HHIPL1: variants seen among roughly 807,000 people sequenced by gnomAD.
HHIPL1 encodes the protein HHIP-like protein 1.
HHIPL1 carries 43 observed loss-of-function variants against 61.8 expected under a neutral mutation model. The ratio of observed to expected loss-of-function variants is 0.70; its 90% confidence interval spans 0.55 to 0.90. The LOEUF is 0.90. HHIPL1 is among the 40% of genes least tolerant of loss of function. The probability of loss-of-function intolerance (pLI) is 0.00; values close to 1 mark genes in which losing one functional copy is unlikely to be tolerated. For missense variants in HHIPL1, 1,056 were observed against 1,157.7 expected (o/e 0.91, Z 1.28); for synonymous variants, 482 against 515.8 (o/e 0.93, Z 0.89).
chr14:99,652,423 A>G lies in HHIPL1; in HGVS notation c.455A>G (p.Asp152Gly). The change falls in exon 2 of 9, where the codon GAT becomes GGT. Residue 152 changes from aspartate to glycine, a missense_variant. Transcript: ENST00000330710. ...LARFCRYLSL[D>G]DTDYCFPYLL... ...AGGTTCTGCCGCTACCTGTCCCTGG[A>G]TGACACGGACTACTGCTTCCCTTAC... 4 of 1,614,180 alleles carry G rather than the reference A, an allele frequency of 2.5e-6. No individual in the cohort carries two copies. Among genetic ancestry groups the G allele is most frequent in the Non-Finnish European group, 3.4e-6 (4 of 1,180,030 alleles).
chr14:99,645,317 G>C lies in HHIPL1; in HGVS notation c.110G>C (p.Arg37Pro), dbSNP rs1276822915. ...CCCTTCCGGCCGACGCAGCCGCTGC[G>C]CCTCTGCGCGCAGTACTCGGACTTC... ...RPPFRPTQPL[R>P]LCAQYSDFGC... The change falls in exon 1 of 9, where the codon CGC becomes CCC. Residue 37 changes from arginine (R) to proline (P), a missense_variant. Transcript: ENST00000330710. 1 of 1,455,788 alleles carries C rather than the reference G, an allele frequency of 6.9e-7. No homozygotes were observed. The highest frequency in any genetic ancestry group is 9.0e-7 in the Non-Finnish European group (1 of 1,108,744). The allele number at this position is 1,455,788 out of a possible 1,614,324, so 90.2% of individuals were successfully genotyped here.
Position 99,672,909 on chromosome 14 carries a change from G to A in HHIPL1, c.1813+510G>A, listed in dbSNP as rs112036717. Among the ~76,000 whole-genome samples the A allele has an allele frequency of 5.1e-3, 774 of 152,298 alleles. 9 individuals carry two copies. The highest frequency in any genetic ancestry group is 0.018 in the African/African-American group (747 of 41,574). On this transcript the variant is annotated intron_variant, in intron 8 of 8. Coordinates refer to ENST00000330710, the MANE Select transcript of HHIPL1 (RefSeq NM_001127258.3). ...TGGGAACAAAGACCCTGTGTTGCCAGGTCTTCCAATTCTTCAGAGAAGCAG... is the reference window on the plus strand; with the variant it reads ...TGGGAACAAAGACCCTGTGTTGCCAAGTCTTCCAATTCTTCAGAGAAGCAG...
rs1463458039 is a variant in HHIPL1, at chr14:99,652,207, C to T, written c.256-17C>T. On this transcript the variant is annotated splice_polypyrimidine_tract_variant and intron_variant, in intron 1 of 8. Coordinates refer to ENST00000330710, the MANE Select transcript of HHIPL1 (RefSeq NM_001127258.3). ...GCACCTCCACAAAACATCTCTGAGCCATTACTGTCTCTGCAGGAATGCTCG... is the reference window on the plus strand; with the variant it reads ...GCACCTCCACAAAACATCTCTGAGCTATTACTGTCTCTGCAGGAATGCTCG... The T allele has an allele frequency of 1.3e-6, 2 of 1,570,892 alleles. No homozygotes were observed. Among genetic ancestry groups the T allele is most frequent in the African/African-American group, 1.3e-5 (1 of 74,182 alleles).
intron 6 of HHIPL1, among the ~76,000 whole-genome samples, chr14:99,664,255 C>A (rs572352728): frequency 6.6e-6 from 1 of 152,182 alleles, no homozygotes; most frequent in Non-Finnish European, 1.5e-5. Flanking sequence ...GTGCCCAGAG[C>A]CCCCAGGGCT....
At chr14:99,670,955 G>C (rs189944325) in intron 7 of HHIPL1, among the ~76,000 whole-genome samples, 1 of 152,066 alleles carries the variant, frequency 6.6e-6, no homozygotes, top group Non-Finnish European at 1.5e-5. Context: ...CATCATCTTC[G>C]GTTTTTCCAA....
chr14:99,670,286 AT>A (rs1339558744), intron 7 of HHIPL1, among the ~76,000 whole-genome samples: 3 of 152,008 alleles, frequency 2.0e-5, no homozygotes, highest in Non-Finnish European at 4.4e-5. Context: ...TAATTTTTGT[AT>A]TTTTAGTAGA....
the HHIPL1 span, among the ~76,000 whole-genome samples, chr14:99,616,779 G>A: frequency 4.6e-5 from 7 of 152,104 alleles, no homozygotes; most frequent in African/African-American, 1.7e-4. Flanking sequence ...GGAAGCTAGA[G>A]GACCACAGAA....
chr14:99,624,117 G>T, the HHIPL1 span, among the ~76,000 whole-genome samples: 1 of 152,242 alleles, frequency 6.6e-6, no homozygotes, highest in Non-Finnish European at 1.5e-5. Context: ...AAACTCAGAA[G>T]GGCCCGAGGC....
chr14:99,617,157 C>T, the HHIPL1 span, among the ~76,000 whole-genome samples: 4 of 152,194 alleles, frequency 2.6e-5, no homozygotes, highest in South Asian at 2.1e-4. Context: ...AGAAGAGACA[C>T]ATAATACCTT....
intron 8 of HHIPL1, 45 bp downstream of exon 8, chr14:99,672,444 C>G (rs368776767): frequency 6.7e-7 from 1 of 1,491,724 alleles, no homozygotes; most frequent in Non-Finnish European, 9.1e-7. Flanking sequence ...GGAGAGATCC[C>G]GCAGCCCACA....
At chr14:99,629,894 G>A in the HHIPL1 span, among the ~76,000 whole-genome samples, 1 of 152,252 alleles carries the variant, frequency 6.6e-6, no homozygotes, top group African/African-American at 2.4e-5. Context: ...CTCAGGGACA[G>A]AAAGCAGCCT....
intron 7 of HHIPL1, among the ~76,000 whole-genome samples, chr14:99,672,062 C>A (rs1595170970): frequency 6.6e-6 from 1 of 152,172 alleles, no homozygotes; most frequent in Non-Finnish European, 1.5e-5. Flanking sequence ...AAAGAGTAAG[C>A]CTCCAGCCCT....
At chr14:99,606,965 C>G in the HHIPL1 span, among the ~76,000 whole-genome samples, 1 of 150,636 alleles carries the variant, frequency 6.6e-6, no homozygotes, top group South Asian at 2.1e-4. Context: ...GCCATGCCCC[C>G]TGGAGTACTC....
chr14:99,635,228 C>T, the HHIPL1 span, among the ~76,000 whole-genome samples: 9 of 152,210 alleles, frequency 5.9e-5, no homozygotes, highest in East Asian at 1.7e-3. Context: ...ACAGTTGGGG[C>T]GTCCAGGGAA....
At chr14:99,662,748 TG>T in intron 5 of HHIPL1, 127 bp from the exon 6 acceptor site, 2 of 849,880 alleles carry the variant, frequency 2.4e-6, no homozygotes, top group Non-Finnish European at 3.7e-6. Flanking sequence ...AGATGGATGG[TG>T]GAAGGATGGA....
chr14:99,652,527 G>A lies in HHIPL1; in HGVS notation c.559G>A (p.Glu187Lys), dbSNP rs747475308. Residue 187 changes from glutamate (E) to lysine (K), a missense_variant, in exon 2 of 9, where the codon GAG becomes AAG. By Grantham distance (56) the Glu-to-Lys change is moderately conservative. Transcript: ENST00000330710. ...CAAGGGCTGCCTGCAGCTGTGCCTG[G>A]AGGAGGTGGCCAACGGGCTGCGCAA... is the stretch of plus-strand genomic sequence containing the variant. Reference protein sequence around the residue: ...DAKGCLQLCLEEVANGLRNPV... With the variant: ...DAKGCLQLCLKEVANGLRNPV... The A allele has an allele frequency of 3.1e-6, 5 of 1,613,480 alleles. No homozygotes were observed. In the South Asian group the frequency reaches 4.4e-5, roughly 14 times the overall value.
chr14:99,674,870 C>T (rs1046083302), intron 8 of HHIPL1, among the ~76,000 whole-genome samples: 26 of 152,144 alleles, frequency 1.7e-4, no homozygotes, highest in African/African-American at 5.6e-4. Flanking sequence ...GCCCCTGGCC[C>T]CTGAGTCCAG....
chr14:99,608,580 G>A, the HHIPL1 span, among the ~76,000 whole-genome samples: 1 of 152,228 alleles, frequency 6.6e-6, no homozygotes, highest in African/African-American at 2.4e-5. Context: ...CTTCAGGACA[G>A]TGAGGCAATG....
At chr14:99,666,248 C>A (rs1211400936) in intron 6 of HHIPL1, among the ~76,000 whole-genome samples, 1 of 152,190 alleles carries the variant, frequency 6.6e-6, no homozygotes, top group Non-Finnish European at 1.5e-5. Flanking sequence ...GAGAACAGGA[C>A]TGAGAGACGG....
Sources: gnomAD v4.1 joint callset for allele counts (sites outside exome capture counted in the v4.1 genomes callset) on GRCh38, gnomAD v4.1.1 for gene constraint, MANE v1.5 for transcripts, NCBI Gene and HGNC (gene_info 2026-07-23, HGNC 2026-07-21) for gene names.